Variants in NRG1 observed in about 807,000 individuals in gnomAD.
NRG1 encodes pro-neuregulin-1, membrane-bound isoform.
Under a neutral mutation model 63.8 loss-of-function variants are expected in NRG1, and 18 were observed. The ratio of observed to expected loss-of-function variants is 0.28; its 90% CI spans 0.19 to 0.42. NRG1 has a LOEUF of 0.42. Among genes scored for constraint, NRG1 ranks in the 10% least tolerant of loss-of-function variants. The pLI is 1.00. For synonymous variants in NRG1, 302 were observed against 301.3 expected (o/e 1.00, Z -0.02); for missense variants, 762 against 814.7 (o/e 0.94, Z 0.79).
intron 1 of NRG1, among the ~76,000 whole-genome samples, chr8:31,652,453 C>A (rs1804945674): frequency 6.6e-6 from 1 of 152,214 alleles, no homozygotes; most frequent in Non-Finnish European, 1.5e-5. Context: ...AAAACTCAGA[C>A]CCCTTTGAAT....
chr8:31,855,741 C>T (rs1198852667), intron 1 of NRG1, among the ~76,000 whole-genome samples: 21 of 152,174 alleles, frequency 1.4e-4, no homozygotes, highest in Middle Eastern at 3.4e-3. Flanking sequence ...GATTTTGCAG[C>T]GGCTGGTACC....
chr8:31,852,758 CTT>C (rs1827386774), intron 1 of NRG1, among the ~76,000 whole-genome samples: 1 of 152,210 alleles, frequency 6.6e-6, no homozygotes, highest in Non-Finnish European at 1.5e-5. Context: ...ACATTTAAGT[CTT>C]TAATCCATCT....
chr8:32,626,010 T>G (rs934374703), intron 5 of NRG1, among the ~76,000 whole-genome samples: 15 of 152,144 alleles, frequency 9.9e-5, no homozygotes, highest in Admixed American at 9.2e-4. Flanking sequence ...GCCAGGCTGG[T>G]CTTGAACTCC....
At chr8:31,799,265 C>T (rs1821523072) in intron 1 of NRG1, among the ~76,000 whole-genome samples, 1 of 152,060 alleles carries the variant, frequency 6.6e-6, no homozygotes, top group Non-Finnish European at 1.5e-5. Context: ...GGGGTTACTA[C>T]ATAAGTTGAA....
At chr8:32,351,576 C>A (rs1226953057) in intron 1 of NRG1, among the ~76,000 whole-genome samples, 2 of 152,184 alleles carry the variant, frequency 1.3e-5, no homozygotes, top group Admixed American at 6.6e-5. Flanking sequence ...TACAGTTCCA[C>A]TCCACAGCAA....
At chr8:32,203,450 T>C (rs965953792) in intron 1 of NRG1, among the ~76,000 whole-genome samples, 2 of 151,966 alleles carry the variant, frequency 1.3e-5, no homozygotes, top group South Asian at 4.2e-4. Context: ...TCTTGGCTCA[T>C]GCAACCTCTG....
intron 1 of NRG1, among the ~76,000 whole-genome samples, chr8:32,578,890 T>C (rs572511927): frequency 4.6e-5 from 7 of 152,294 alleles, no homozygotes; most frequent in Admixed American, 2.0e-4. Flanking sequence ...AAGTGAGGGA[T>C]TTCATTAGAC....
intron 1 of NRG1, among the ~76,000 whole-genome samples, chr8:32,370,982 C>T (rs1325245016): frequency 6.6e-6 from 1 of 151,162 alleles, no homozygotes; most frequent in Non-Finnish European, 1.5e-5. Flanking sequence ...GAGGCTGAGG[C>T]AGGTGAATCA....
intron 1 of NRG1, among the ~76,000 whole-genome samples, chr8:32,096,633 G>A (rs1196920316): frequency 6.6e-6 from 1 of 152,178 alleles, no homozygotes; most frequent in African/African-American, 2.4e-5. Context: ...ATGGAGGAAG[G>A]TATAGAGAGC....
At chr8:31,715,225 A>G (rs1812235217) in intron 1 of NRG1, among the ~76,000 whole-genome samples, 1 of 152,216 alleles carries the variant, frequency 6.6e-6, no homozygotes, top group Admixed American at 6.5e-5. Context: ...ACAAACCTAT[A>G]AAATATGTAA....
intron 1 of NRG1, among the ~76,000 whole-genome samples, chr8:32,418,915 A>C (rs2129485975): frequency 6.6e-6 from 1 of 152,338 alleles, no homozygotes; most frequent in South Asian, 2.1e-4. Flanking sequence ...GAGATATGCT[A>C]TTCACATTTC....
At chr8:32,183,403 A>G (rs1463925237) in intron 1 of NRG1, among the ~76,000 whole-genome samples, 2 of 151,982 alleles carry the variant, frequency 1.3e-5, no homozygotes, top group African/African-American at 4.8e-5. Flanking sequence ...ATGTATTCCA[A>G]TTTTTCTTTT....
At chr8:31,790,741 G>A (rs1307769406) in intron 1 of NRG1, among the ~76,000 whole-genome samples, 1 of 152,068 alleles carries the variant, frequency 6.6e-6, no homozygotes, top group Admixed American at 6.6e-5. Flanking sequence ...CAAATATCTA[G>A]GGCTGGGCTA....
At chr8:32,724,124 A>G (rs1201622894) in intron 5 of NRG1, among the ~76,000 whole-genome samples, 1 of 152,206 alleles carries the variant, frequency 6.6e-6, no homozygotes, top group Non-Finnish European at 1.5e-5. Flanking sequence ...GTAGTTGTTG[A>G]CATACCAAGG....
intron 1 of NRG1, among the ~76,000 whole-genome samples, chr8:32,111,101 T>G (rs1368552811): frequency 5.3e-5 from 8 of 152,108 alleles, no homozygotes; most frequent in African/African-American, 1.9e-4. Flanking sequence ...ATCATTTTGC[T>G]GAGCTATCAT....
intron 5 of NRG1, among the ~76,000 whole-genome samples, chr8:32,690,406 C>G (rs922284618): frequency 2.0e-5 from 3 of 152,070 alleles, no homozygotes; most frequent in African/African-American, 7.2e-5. Flanking sequence ...TGTGCTCCAG[C>G]CAGAGCAGAC....
chr8:31,673,257 T>C (rs1361228362), intron 1 of NRG1, among the ~76,000 whole-genome samples: 1 of 152,132 alleles, frequency 6.6e-6, no homozygotes, highest in Admixed American at 6.6e-5. Flanking sequence ...CCTAGAGCCA[T>C]TCTGATGACC....
intron 1 of NRG1, among the ~76,000 whole-genome samples, chr8:32,539,092 A>G (rs1361562075): frequency 6.6e-6 from 1 of 152,160 alleles, no homozygotes; most frequent in Admixed American, 6.5e-5. Context: ...AGGCTAGAAA[A>G]CCATAGTTCA....
chr8:32,429,094 A>G (rs1285279303), intron 1 of NRG1, among the ~76,000 whole-genome samples: 1 of 152,142 alleles, frequency 6.6e-6, no homozygotes, highest in African/African-American at 2.4e-5. Context: ...GTTGGACATT[A>G]GTGATCTGAG....
Sources: gnomAD v4.1 joint callset for allele counts (sites outside exome capture counted in the v4.1 genomes callset) on GRCh38, gnomAD v4.1.1 for gene constraint, MANE v1.5 for transcripts, NCBI Gene and HGNC (gene_info 2026-07-23, HGNC 2026-07-21) for gene names.